Variants in SVOP observed in about 807,000 individuals in gnomAD.
The protein encoded by SVOP is SV2 related protein.
In SVOP, 17 loss-of-function variants were observed where a neutral mutation model predicts 69.1. The ratio of observed to expected loss-of-function variants is 0.25; its 90% confidence interval spans 0.17 to 0.37. SVOP has a LOEUF of 0.37. Ranked by LOEUF, SVOP falls within the 10% of genes least tolerant of loss-of-function variation. The pLI is 1.00. For synonymous variants in SVOP, 238 were observed against 238.6 expected (o/e 1.00, Z 0.02); for missense variants, 435 against 597.5 (o/e 0.73, Z 2.84).
intron 5 of SVOP, among the ~76,000 whole-genome samples, chr12:108,969,643 CT>C (rs1407783672): frequency 1.3e-5 from 2 of 151,596 alleles, no homozygotes; most frequent in Admixed American, 1.3e-4. Flanking sequence ...TAGTTCCTTC[CT>C]TTTTTTCTTC....
chr12:108,919,231 C>T (rs2039733414), intron 13 of SVOP, among the ~76,000 whole-genome samples: 1 of 151,146 alleles, frequency 6.6e-6, no homozygotes, highest in South Asian at 2.1e-4. Flanking sequence ...GAGCCTCACC[C>T]ACACCTGTAC....
At chr12:108,916,569 G>A (rs1012800220) in intron 14 of SVOP, among the ~76,000 whole-genome samples, 1 of 152,070 alleles carries the variant, frequency 6.6e-6, no homozygotes, top group African/African-American at 2.4e-5. Flanking sequence ...GCCTCCCCAT[G>A]CCACCTTATG....
At chr12:108,965,842 T>C (rs1044161054) in intron 5 of SVOP, among the ~76,000 whole-genome samples, 1 of 152,162 alleles carries the variant, frequency 6.6e-6, no homozygotes, top group Non-Finnish European at 1.5e-5. Flanking sequence ...TTCTTAAAGA[T>C]AAGATAGACC....
At chr12:108,951,547 T>C (rs1691190016) in intron 6 of SVOP, among the ~76,000 whole-genome samples, 1 of 152,218 alleles carries the variant, frequency 6.6e-6, no homozygotes, top group Non-Finnish European at 1.5e-5. Flanking sequence ...TGTCCCTCCG[T>C]AGAGAGAAAG....
intron 6 of SVOP, among the ~76,000 whole-genome samples, chr12:108,946,690 TTTATTATTATTATTATTATTATTATTA>T (rs370752888): frequency 7.3e-6 from 1 of 136,526 alleles, no homozygotes; most frequent in African/African-American, 2.7e-5. Context: ...GCAACCTGTT[TTTATTATTATTATTATTATTATTATTA>T]TTATTATTAT....
intron 1 of SVOP, among the ~76,000 whole-genome samples, chr12:109,020,059 A>G (rs1238876849): frequency 1.3e-5 from 2 of 152,142 alleles, no homozygotes; most frequent in Non-Finnish European, 2.9e-5. Context: ...CTTGGAATTT[A>G]CTTAACAAAT....
chr12:108,943,633 C>T (rs949844537), intron 7 of SVOP, among the ~76,000 whole-genome samples: 3 of 150,918 alleles, frequency 2.0e-5, no homozygotes, highest in African/African-American at 7.3e-5. Flanking sequence ...ACCAGTTATA[C>T]AGGCCCATAC....
At chr12:108,985,481 G>A in intron 1 of SVOP, among the ~76,000 whole-genome samples, 1 of 152,128 alleles carries the variant, frequency 6.6e-6, no homozygotes, top group South Asian at 2.1e-4. Context: ...AGACAAGCCT[G>A]GTTGACATGG....
rs185070870 is a variant in SVOP, at chr12:108,942,477, A to G, written c.643-1568T>C. ...TTCCACTTTTGTATGGGTTCCATCA[A>G]CAGGCTCCCTGTCCTAGCGCTTCCC... On this transcript the variant is annotated intron_variant, in intron 7 of 15. Coordinates refer to ENST00000610966, the MANE Select transcript of SVOP (RefSeq NM_018711.5). 3.1e-3 allele frequency among the ~76,000 whole-genome samples: 468 copies of G among 152,318 alleles called. 7 individuals carry two copies. The highest frequency in any genetic ancestry group is 0.011 in the African/African-American group (437 of 41,564).
At chr12:108,939,192 T>C (rs2039874314) in intron 8 of SVOP, among the ~76,000 whole-genome samples, 1 of 152,248 alleles carries the variant, frequency 6.6e-6, no homozygotes, top group South Asian at 2.1e-4. Flanking sequence ...TAAGAGATCC[T>C]ACCTCTTAGG....
intron 1 of SVOP, among the ~76,000 whole-genome samples, chr12:108,984,140 C>T (rs2040155623): frequency 6.6e-6 from 1 of 152,020 alleles, no homozygotes; most frequent in African/African-American, 2.4e-5. Flanking sequence ...CATGTTAGGC[C>T]CACAAAAAGT....
intron 5 of SVOP, among the ~76,000 whole-genome samples, chr12:108,969,999 T>C (rs1414618772): frequency 6.6e-6 from 1 of 152,196 alleles, no homozygotes; most frequent in East Asian, 1.9e-4. Context: ...CCATCATGGC[T>C]GCATTTAGTT....
chr12:108,993,405 C>A (rs573946853), intron 1 of SVOP, among the ~76,000 whole-genome samples: 1 of 149,838 alleles, frequency 6.7e-6, no homozygotes, highest in African/African-American at 2.4e-5. Context: ...AAAAGAAAAT[C>A]CTTAGCTCTT....
At chr12:108,967,452 T>G (rs953166091) in intron 5 of SVOP, among the ~76,000 whole-genome samples, 1 of 151,148 alleles carries the variant, frequency 6.6e-6, no homozygotes, top group African/African-American at 2.4e-5. Context: ...TGAGCCAAGA[T>G]CTCACCACTG....
chr12:108,968,710 AGT>A (rs370262601), intron 5 of SVOP, among the ~76,000 whole-genome samples: 94,463 of 149,400 alleles, frequency 0.63, 31,209 homozygotes, highest in South Asian at 0.8. Flanking sequence ...GGATTCCTGA[AGT>A]GTGTGTGTGT....
intron 1 of SVOP, among the ~76,000 whole-genome samples, chr12:109,003,018 A>AT (rs1300244798): frequency 1.3e-5 from 2 of 150,986 alleles, no homozygotes; most frequent in Non-Finnish European, 3.0e-5. Context: ...TAAAAATAAA[A>AT]AAACAAGAAA....
At chr12:109,009,146 G>C (rs1179533343) in intron 1 of SVOP, among the ~76,000 whole-genome samples, 2 of 151,522 alleles carry the variant, frequency 1.3e-5, no homozygotes, top group Admixed American at 1.3e-4. Context: ...ATTTTTAGTA[G>C]AGACAGGGTT....
chr12:108,990,224 G>A (rs1046766172), intron 1 of SVOP, among the ~76,000 whole-genome samples: 1 of 152,160 alleles, frequency 6.6e-6, no homozygotes, highest in Non-Finnish European at 1.5e-5. Flanking sequence ...GTGTGTTCTG[G>A]AGCAGGAATC....
intron 2 of SVOP, among the ~76,000 whole-genome samples, chr12:108,979,772 T>C (rs1194450519): frequency 6.6e-6 from 1 of 152,200 alleles, no homozygotes; most frequent in Non-Finnish European, 1.5e-5. Context: ...TTTCCTACTT[T>C]GAGAATTTCT....
Sources: gnomAD v4.1 joint callset for allele counts (sites outside exome capture counted in the v4.1 genomes callset) on GRCh38, gnomAD v4.1.1 for gene constraint, MANE v1.5 for transcripts, NCBI Gene and HGNC (gene_info 2026-07-23, HGNC 2026-07-21) for gene names.